Variants in ATRNL1 observed in about 807,000 individuals in gnomAD.
ATRNL1 encodes the protein attractin-like protein 1.
Under a neutral mutation model 182.7 loss-of-function variants are expected in ATRNL1, and 95 were observed. The observed-to-expected ratio is 0.52, with a 90% CI of 0.44 to 0.62. The LOEUF (loss-of-function observed/expected upper bound fraction) is 0.62, where lower values mean the gene tolerates loss of function less well. ATRNL1 is among the 20% of genes least tolerant of loss of function. ATRNL1 has a pLI of 0.00. For missense variants in ATRNL1, 1,471 were observed against 1,679.5 expected (o/e 0.88, Z 2.17); for synonymous variants, 576 against 568.3 (o/e 1.01, Z -0.19).
intron 19 of ATRNL1, among the ~76,000 whole-genome samples, chr10:115,368,794 A>T (rs1029489698): frequency 6.6e-6 from 1 of 151,694 alleles, no homozygotes. Flanking sequence ...GTTCACTGCA[A>T]CCACCGCCTC....
intron 13 of ATRNL1, among the ~76,000 whole-genome samples, chr10:115,276,531 A>T (rs1554914892): frequency 6.6e-6 from 1 of 152,190 alleles, no homozygotes; most frequent in Non-Finnish European, 1.5e-5. Context: ...TTAGAATTTG[A>T]TGTAATGTGT....
intron 27 of ATRNL1, among the ~76,000 whole-genome samples, chr10:115,813,266 G>A (rs1555087567): frequency 6.6e-6 from 1 of 152,080 alleles, no homozygotes; most frequent in Non-Finnish European, 1.5e-5. Context: ...TTTAAAAAAT[G>A]AGAGAGGTCC....
intron 6 of ATRNL1, among the ~76,000 whole-genome samples, chr10:115,160,731 T>C (rs1312877717): frequency 3.3e-5 from 5 of 151,978 alleles, no homozygotes; most frequent in East Asian, 1.9e-4. Context: ...GGGAATCATA[T>C]GGATGGCAGC....
chr10:115,414,653 C>T (rs1845301303), intron 20 of ATRNL1, among the ~76,000 whole-genome samples: 1 of 151,774 alleles, frequency 6.6e-6, no homozygotes, highest in South Asian at 2.1e-4. Flanking sequence ...TTTATCCTTC[C>T]CATCTTTCCT....
In ATRNL1 at chr10:115,254,958, T is replaced by G. The variant is rs1481549161; in HGVS notation, c.1688-10235T>G. 1.9e-4 allele frequency among the ~76,000 whole-genome samples: 29 copies of G among 152,232 alleles called. 1 individual carries two copies. The highest frequency in any genetic ancestry group is 6.8e-4 in the African/African-American group (28 of 41,454). On this transcript the variant is annotated intron_variant, in intron 10 of 28. Coordinates refer to ENST00000355044, the MANE Select transcript of ATRNL1 (RefSeq NM_207303.4). ...ATCAGATGTTTGTAGATGTGTAGTA[T>G]TATTTCTGAGGGCTCTGTTCTGTTC...
intron 15 of ATRNL1, among the ~76,000 whole-genome samples, chr10:115,287,934 T>C (rs1852705362): frequency 6.7e-6 from 1 of 150,072 alleles, no homozygotes. Context: ...GTTTTTTTTT[T>C]TTTTTTTTTT....
At chr10:115,875,646 A>G (rs549813014) in intron 28 of ATRNL1, among the ~76,000 whole-genome samples, 21 of 152,310 alleles carry the variant, frequency 1.4e-4, no homozygotes, top group Admixed American at 1.2e-3. Flanking sequence ...AAAGCTTTGC[A>G]TAGGTCATTT....
At chr10:115,710,749 G>A (rs1593104860) in intron 26 of ATRNL1, among the ~76,000 whole-genome samples, 1 of 152,144 alleles carries the variant, frequency 6.6e-6, no homozygotes, top group South Asian at 2.1e-4. Flanking sequence ...ATTCCAAAAT[G>A]TTTACAGGAA....
intron 26 of ATRNL1, among the ~76,000 whole-genome samples, chr10:115,700,361 A>C (rs559373666): frequency 6.6e-6 from 1 of 152,196 alleles, no homozygotes; most frequent in African/African-American, 2.4e-5. Flanking sequence ...CTGTTGTTTG[A>C]CTTTTTAAAA....
intron 27 of ATRNL1, among the ~76,000 whole-genome samples, chr10:115,763,673 G>A (rs1264822611): frequency 6.6e-6 from 1 of 151,984 alleles, no homozygotes; most frequent in Non-Finnish European, 1.5e-5. Flanking sequence ...GAAAATGTGT[G>A]TGTGTCTGTT....
chr10:115,734,779 T>C (rs181647552), intron 27 of ATRNL1, among the ~76,000 whole-genome samples: 4 of 152,242 alleles, frequency 2.6e-5, no homozygotes, highest in Non-Finnish European at 4.4e-5. Flanking sequence ...ACCTTTGCTT[T>C]ATTTTCATCC....
intron 26 of ATRNL1, among the ~76,000 whole-genome samples, chr10:115,644,584 A>G (rs1322954589): frequency 6.6e-6 from 1 of 152,178 alleles, no homozygotes; most frequent in African/African-American, 2.4e-5. Context: ...TCAAATCCTC[A>G]TTTAGCCATT....
chr10:115,871,473 G>GTATATATATATATATATATATATA (rs1391895391), intron 28 of ATRNL1, among the ~76,000 whole-genome samples: 9 of 15,020 alleles, frequency 6.0e-4, no homozygotes, highest in African/African-American at 1.3e-3. Context: ...GATTCTTTGT[G>GTATATATATATATATATATATATA]TGTGTGTATA....
rs1464808587 is a variant in ATRNL1, at chr10:115,750,724, A to G, written c.3903+23369A>G. On this transcript the variant is annotated intron_variant, in intron 27 of 28. Transcript: ENST00000355044. ...AATATTTGCAATTTTTGTCATAAAC[A>G]AAGGGTTGTTATCCCTAAAATATAA... Among the ~76,000 whole-genome samples, 3 of 152,204 alleles carry G rather than the reference A, an allele frequency of 2.0e-5. No homozygotes were observed. In the East Asian group the frequency reaches 5.8e-4, roughly 29 times the overall value.
intron 25 of ATRNL1, among the ~76,000 whole-genome samples, chr10:115,537,848 C>A (rs1478494715): frequency 5.3e-5 from 8 of 152,026 alleles, no homozygotes; most frequent in African/African-American, 1.9e-4. Context: ...ATGCCAAAGC[C>A]CCAGTGAATA....
chr10:115,164,722 CAG>C (rs1449996480), intron 6 of ATRNL1, among the ~76,000 whole-genome samples: 5 of 151,990 alleles, frequency 3.3e-5, no homozygotes, highest in African/African-American at 1.2e-4. Flanking sequence ...AAACCAGGCA[CAG>C]AGAGACAAAT....
intron 21 of ATRNL1, among the ~76,000 whole-genome samples, chr10:115,447,873 A>G (rs1847084249): frequency 6.6e-6 from 1 of 151,948 alleles, no homozygotes; most frequent in South Asian, 2.1e-4. Context: ...GTATACAATA[A>G]TTTTCTTCCA....
chr10:115,479,449 T>C (rs1033161292), intron 24 of ATRNL1, among the ~76,000 whole-genome samples: 2 of 151,552 alleles, frequency 1.3e-5, no homozygotes, highest in African/African-American at 4.8e-5. Flanking sequence ...GATTAATTTA[T>C]GTACTTTGGA....
intron 24 of ATRNL1, among the ~76,000 whole-genome samples, chr10:115,518,836 T>A (rs2133699282): frequency 6.6e-6 from 1 of 151,556 alleles, no homozygotes; most frequent in East Asian, 1.9e-4. Flanking sequence ...TAAAATGATG[T>A]GACATATTTT....
Sources: gnomAD v4.1 joint callset for allele counts (sites outside exome capture counted in the v4.1 genomes callset) on GRCh38, gnomAD v4.1.1 for gene constraint, MANE v1.5 for transcripts, NCBI Gene and HGNC (gene_info 2026-07-23, HGNC 2026-07-21) for gene names.